The following NRG1 variants were observed in gnomAD, a reference collection of about 807,000 sequenced individuals.
NRG1 encodes the protein pro-neuregulin-1, membrane-bound isoform.
In NRG1, 18 loss-of-function variants were observed where a neutral mutation model predicts 63.8. The observed-to-expected ratio is 0.28, with a 90% confidence interval of 0.19 to 0.42. The LOEUF is 0.42. Among genes scored for constraint, NRG1 ranks in the 10% least tolerant of loss-of-function variants. The probability of loss-of-function intolerance (pLI) is 1.00; values close to 1 mark genes in which losing one functional copy is unlikely to be tolerated. For synonymous variants in NRG1, 302 were observed against 301.3 expected (o/e 1.00, Z -0.02); for missense variants, 762 against 814.7 (o/e 0.94, Z 0.79).
chr8:32,690,981 T>G (rs983698486), intron 5 of NRG1, among the ~76,000 whole-genome samples: 3 of 105,938 alleles, frequency 2.8e-5, no homozygotes, highest in Non-Finnish European at 6.1e-5. Context: ...GTGTGTGTGT[T>G]AGCCATTTAT....
At chr8:32,118,467 G>A (rs1833026813) in intron 1 of NRG1, among the ~76,000 whole-genome samples, 1 of 152,088 alleles carries the variant, frequency 6.6e-6, no homozygotes, top group African/African-American at 2.4e-5. Context: ...GCAGATGCCA[G>A]ATCATTGCTT....
intron 1 of NRG1, among the ~76,000 whole-genome samples, chr8:31,699,504 T>C (rs1810416434): frequency 1.3e-5 from 2 of 152,194 alleles, no homozygotes; most frequent in African/African-American, 4.8e-5. Flanking sequence ...TTTGATGAAG[T>C]ACTCTGATGA....
intron 1 of NRG1, among the ~76,000 whole-genome samples, chr8:32,109,341 G>C (rs1049239328): frequency 6.6e-6 from 1 of 152,204 alleles, no homozygotes; most frequent in African/African-American, 2.4e-5. Flanking sequence ...TGCCTGAGCA[G>C]ATTAATTTGA....
At chr8:31,680,588 C>G (rs1808230268) in intron 1 of NRG1, among the ~76,000 whole-genome samples, 2 of 149,676 alleles carry the variant, frequency 1.3e-5, no homozygotes, top group African/African-American at 4.9e-5. Flanking sequence ...GTGAATAGTG[C>G]CACAACAAAC....
At chr8:32,124,740 C>T (rs759283159) in intron 1 of NRG1, among the ~76,000 whole-genome samples, 1 of 151,820 alleles carries the variant, frequency 6.6e-6, no homozygotes, top group Non-Finnish European at 1.5e-5. Flanking sequence ...CCAAACCCTT[C>T]CTCAGTGTTT....
chr8:31,860,235 C>T (rs1321549534), intron 1 of NRG1, among the ~76,000 whole-genome samples: 1 of 152,132 alleles, frequency 6.6e-6, no homozygotes, highest in African/African-American at 2.4e-5. Context: ...ATTCTGAGTT[C>T]CTTAAATGCT....
intron 1 of NRG1, among the ~76,000 whole-genome samples, chr8:31,889,967 AAAG>A (rs1248214690): frequency 6.6e-6 from 1 of 152,206 alleles, no homozygotes. Context: ...AAGAAAGAAA[AAAG>A]GGAAACAGCC....
At chr8:32,420,142 G>A (rs773168018) in intron 1 of NRG1, among the ~76,000 whole-genome samples, 16 of 152,206 alleles carry the variant, frequency 1.1e-4, no homozygotes, top group African/African-American at 3.4e-4. Context: ...AAGTGCAAGC[G>A]TATGACAAGG....
intron 1 of NRG1, among the ~76,000 whole-genome samples, chr8:32,024,805 T>C (rs1302718322): frequency 6.6e-6 from 1 of 152,182 alleles, no homozygotes; most frequent in African/African-American, 2.4e-5. Context: ...TCATTGAACC[T>C]GTGAGTGAAA....
chr8:32,453,048 A>G (rs191146799), intron 1 of NRG1, among the ~76,000 whole-genome samples: 2 of 152,320 alleles, frequency 1.3e-5, no homozygotes, highest in South Asian at 2.1e-4. Flanking sequence ...AGTACTAACA[A>G]AATTATGTTA....
intron 1 of NRG1, among the ~76,000 whole-genome samples, chr8:31,727,117 A>G (rs1813530383): frequency 6.6e-6 from 1 of 152,160 alleles, no homozygotes; most frequent in Admixed American, 6.5e-5. Flanking sequence ...CCTACTATGT[A>G]TAGGTACTAG....
chr8:31,867,674 T>C (rs1257648497), intron 1 of NRG1, among the ~76,000 whole-genome samples: 3 of 152,108 alleles, frequency 2.0e-5, no homozygotes. Context: ...TTCAGAAAAA[T>C]ATCCATGATA....
At chr8:32,428,150 T>G (rs1339271529) in intron 1 of NRG1, among the ~76,000 whole-genome samples, 2 of 152,142 alleles carry the variant, frequency 1.3e-5, no homozygotes, top group African/African-American at 4.8e-5. Flanking sequence ...TGCTACATTT[T>G]AAGCTTCTAC....
chr8:32,283,428 T>A (rs16879111), intron 1 of NRG1, among the ~76,000 whole-genome samples: 32,978 of 152,052 alleles, frequency 0.22, 4,100 homozygotes, highest in African/African-American at 0.35. Context: ...ATCCAGTTCA[T>A]TAGGGTAAAG....
chr8:32,325,622 T>C (rs890031257), intron 1 of NRG1, among the ~76,000 whole-genome samples: 1 of 152,170 alleles, frequency 6.6e-6, no homozygotes, highest in African/African-American at 2.4e-5. Flanking sequence ...TAAGTGATTC[T>C]CCTGCCTCGG....
intron 5 of NRG1, among the ~76,000 whole-genome samples, chr8:32,650,435 A>G (rs1044540105): frequency 9.9e-5 from 15 of 152,146 alleles, no homozygotes; most frequent in East Asian, 7.7e-4. Context: ...TTTGAAACCT[A>G]TAAGGAAACT....
chr8:32,608,107 G>GTTTTTTTTT (rs1224928528), intron 3 of NRG1, among the ~76,000 whole-genome samples: 4 of 104,840 alleles, frequency 3.8e-5, no homozygotes, highest in African/African-American at 3.8e-5. Flanking sequence ...TTTTTTTTTT[G>GTTTTTTTTT]TTTTTTTTTT....
intron 5 of NRG1, chr8:32,648,323 G>C (rs780564286): frequency 1.2e-6 from 2 of 1,613,966 alleles, no homozygotes; most frequent in Non-Finnish European, 1.7e-6. Flanking sequence ...AGGTGAGAAC[G>C]CCCAAGTCAG....
At chr8:32,773,488 C>A (rs537975244) in intron 7 of NRG1, among the ~76,000 whole-genome samples, 1 of 152,114 alleles carries the variant, frequency 6.6e-6, no homozygotes, top group African/African-American at 2.4e-5. Context: ...GTTAGTGGAG[C>A]CACATTTCAC....
Sources: gnomAD v4.1 joint callset for allele counts (sites outside exome capture counted in the v4.1 genomes callset) on GRCh38, gnomAD v4.1.1 for gene constraint, MANE v1.5 for transcripts, NCBI Gene and HGNC (gene_info 2026-07-23, HGNC 2026-07-21) for gene names.